Variants in NSG1 observed in about 807,000 individuals in gnomAD.
NSG1 encodes neuronal vesicle trafficking-associated protein 1.
NSG1 carries 9 observed loss-of-function variants against 19.3 expected under a neutral mutation model. The observed-to-expected ratio is 0.47, with a 90% CI of 0.28 to 0.81. The LOEUF (loss-of-function observed/expected upper bound fraction) is 0.81, where lower values mean the gene tolerates loss of function less well. Ranked by LOEUF, NSG1 falls within the 40% of genes least tolerant of loss-of-function variation. The pLI, the probability that NSG1 is intolerant of heterozygous loss-of-function variation, is 0.11. For synonymous variants in NSG1, 104 were observed against 107.0 expected, an observed-to-expected ratio of 0.97 and a Z score of 0.17; for missense variants, 236 against 242.4, an observed-to-expected ratio of 0.97 and a Z score of 0.18.
chr4:4,394,637 T>C (rs1316218695), intron 3 of NSG1, among the ~76,000 whole-genome samples: 2 of 152,210 alleles, frequency 1.3e-5, no homozygotes, highest in Non-Finnish European at 2.9e-5. Context: ...AGGGACTCTT[T>C]GTGCAGACGG....
At chr4:4,388,620 C>T (rs1482119583) in intron 2 of NSG1, among the ~76,000 whole-genome samples, 2 of 152,230 alleles carry the variant, frequency 1.3e-5, no homozygotes, top group Non-Finnish European at 2.9e-5. Context: ...CCACCACAGC[C>T]ACGAATAATT....
At chr4:4,415,487 C>T (rs1441763779) in intron 4 of NSG1, among the ~76,000 whole-genome samples, 4 of 152,244 alleles carry the variant, frequency 2.6e-5, no homozygotes, top group African/African-American at 9.6e-5. Flanking sequence ...AGAAAGCCTT[C>T]CCTGGCCCAT....
chr4:4,387,561 C>CGGGGGTGGGTG, intron 1 of NSG1, 43 bp from the exon 2 acceptor site: 22 of 1,141,962 alleles, frequency 1.9e-5, no homozygotes, highest in East Asian at 2.7e-5. Context: ...CGCCCCGCCC[C>CGGGGGTGGGTG]GGGTCTTGCT....
chr4:4,391,218 C>T (rs1722972269), intron 2 of NSG1, among the ~76,000 whole-genome samples: 1 of 152,234 alleles, frequency 6.6e-6, no homozygotes, highest in Non-Finnish European at 1.5e-5. Flanking sequence ...AACCGCATGA[C>T]CTTGGCCAAT....
chr4:4,407,674 C>CA (rs1723941193), intron 3 of NSG1, among the ~76,000 whole-genome samples: 1 of 152,064 alleles, frequency 6.6e-6, no homozygotes, highest in South Asian at 2.1e-4. Flanking sequence ...TGAAGACCTC[C>CA]GGGAAGTGGA....
chr4:4,409,121 C>T (rs552474281), intron 3 of NSG1, among the ~76,000 whole-genome samples: 2 of 152,250 alleles, frequency 1.3e-5, no homozygotes, highest in Non-Finnish European at 2.9e-5. Flanking sequence ...GGTGTCCATG[C>T]GACACTGCGT....
At chr4:4,411,786 A>ACACAACACAACACAACACACAACAC (rs1553819761) in intron 4 of NSG1, among the ~76,000 whole-genome samples, 22 of 141,936 alleles carry the variant, frequency 1.5e-4, no homozygotes, top group African/African-American at 4.5e-4. Flanking sequence ...AACAAAACAA[A>ACACAACACAACACAACACACAACAC]ACAAAACATT....
chr4:4,392,249 G>T (rs1723032965), intron 3 of NSG1, among the ~76,000 whole-genome samples: 2 of 152,054 alleles, frequency 1.3e-5, no homozygotes, highest in Non-Finnish European at 2.9e-5. Flanking sequence ...TGCCAGCCTG[G>T]CTGCCTTCAG....
In NSG1 at chr4:4,409,698, T is replaced by C. The variant is rs765036588; in HGVS notation, c.357+15T>C. 1.4e-5 allele frequency: 23 copies of C among 1,600,348 alleles called. No homozygotes were observed. Among genetic ancestry groups the C allele is most frequent in the Non-Finnish European group, 2.0e-5 (23 of 1,167,532 alleles). On this transcript the variant is annotated intron_variant, in intron 4 of 4. Coordinates refer to ENST00000621129, the MANE Select transcript of NSG1 (RefSeq NM_014392.5). ...TCGTCCTCAAGGTAAAACTCCGTTT[T>C]CCCCCAGAGGCCCTGGGACGCCTTT... is the stretch of plus-strand genomic sequence containing the variant.
chr4:4,399,578 T>G (rs1483174604), intron 3 of NSG1, among the ~76,000 whole-genome samples: 2 of 151,950 alleles, frequency 1.3e-5, no homozygotes, highest in East Asian at 1.9e-4. Context: ...CTATAGGTTC[T>G]TTTTTCACTT....
At chr4:4,397,932 G>T (rs1160220285) in intron 3 of NSG1, among the ~76,000 whole-genome samples, 1 of 151,982 alleles carries the variant, frequency 6.6e-6, no homozygotes, top group African/African-American at 2.4e-5. Context: ...TCTCTCCTCT[G>T]GCCCATTCTT....
chr4:4,387,586 C>A lies in NSG1; in HGVS notation c.-26-18C>A. On this transcript the variant is annotated intron_variant, in intron 1 of 4. Transcript: ENST00000621129. The stretch of plus-strand genomic sequence containing the variant: ...CGGGTCTTGCTTGTGGTGACTCCCC[C>A]CGGCCCTCCCGCCGCAGGCTGCAGC... The A allele has an allele frequency of 4.4e-6, 7 of 1,588,198 alleles. No homozygotes were observed. Among genetic ancestry groups the A allele is most frequent in the Non-Finnish European group, 6.0e-6 (7 of 1,165,542 alleles).
At chr4:4,414,543 A>T (rs927746990) in intron 4 of NSG1, among the ~76,000 whole-genome samples, 4 of 152,008 alleles carry the variant, frequency 2.6e-5, no homozygotes, top group Non-Finnish European at 5.9e-5. Context: ...AGTCCCCTTG[A>T]CCTCTTCCCT....
chr4:4,400,307 A>G (rs1723479401), intron 3 of NSG1, among the ~76,000 whole-genome samples: 2 of 152,180 alleles, frequency 1.3e-5, no homozygotes, highest in African/African-American at 4.8e-5. Flanking sequence ...CAATTGTATT[A>G]CGTGGATTTA....
intron 3 of NSG1, among the ~76,000 whole-genome samples, chr4:4,403,437 T>C (rs1723677540): frequency 6.6e-6 from 1 of 152,206 alleles, no homozygotes; most frequent in African/African-American, 2.4e-5. Context: ...CGTCATATCC[T>C]GTAGCGCAAT....
intron 4 of NSG1, chr4:4,415,976 G>A (rs1293402620): frequency 1.9e-5 from 12 of 646,002 alleles, no homozygotes; most frequent in Non-Finnish European, 3.4e-5. Flanking sequence ...CCGACGTCCT[G>A]GTGGGACTGA....
chr4:4,397,815 C>T (rs563408295), intron 3 of NSG1, among the ~76,000 whole-genome samples: 63 of 152,268 alleles, frequency 4.1e-4, no homozygotes, highest in African/African-American at 1.4e-3. Context: ...TCTCTGTTCC[C>T]GGCTGTTCTT....
At chr4:4,398,633 A>G (rs556956760) in intron 3 of NSG1, among the ~76,000 whole-genome samples, 17 of 152,200 alleles carry the variant, frequency 1.1e-4, no homozygotes, top group Non-Finnish European at 2.4e-4. Context: ...ATTCCTTTTC[A>G]TGGCTGAGTA....
intron 3 of NSG1, among the ~76,000 whole-genome samples, chr4:4,395,792 C>T (rs1723221946): frequency 6.6e-6 from 1 of 152,336 alleles, no homozygotes; most frequent in Non-Finnish European, 1.5e-5. Context: ...TGGAATCTCG[C>T]CTTTCCGATC....
Sources: gnomAD v4.1 joint callset for allele counts (sites outside exome capture counted in the v4.1 genomes callset) on GRCh38, gnomAD v4.1.1 for gene constraint, MANE v1.5 for transcripts, NCBI Gene and HGNC (gene_info 2026-07-23, HGNC 2026-07-21) for gene names.